Variants in PRELID2 observed in about 807,000 individuals in gnomAD.
PRELID2 encodes PRELI domain-containing protein 2.
In PRELID2, 25 loss-of-function variants were observed where a neutral mutation model predicts 28.4. The observed-to-expected ratio is 0.88, with a 90% confidence interval of 0.64 to 1.23. PRELID2 has a LOEUF of 1.23. Ranked by LOEUF, PRELID2 falls within the 50% of genes most tolerant of loss-of-function variation. PRELID2 has a pLI of 0.00. For missense variants in PRELID2, 201 were observed against 214.4 expected, an observed-to-expected ratio of 0.94 and a Z score of 0.39; for synonymous variants, 76 against 71.6, an observed-to-expected ratio of 1.06 and a Z score of -0.31.
intron 1 of PRELID2, chr5:145,826,247 T>C (rs1755184788): frequency 6.7e-6 from 6 of 893,652 alleles, no homozygotes; most frequent in South Asian, 1.0e-4. Flanking sequence ...AATATAATAG[T>C]GTAAAGCCCG....
chr5:145,819,029 G>A (rs1400049592), intron 3 of PRELID2, among the ~76,000 whole-genome samples: 2 of 152,096 alleles, frequency 1.3e-5, no homozygotes, highest in African/African-American at 4.8e-5. Context: ...TTTTATAAAG[G>A]GCAGTTCCCC....
the PRELID2 span, among the ~76,000 whole-genome samples, chr5:145,268,484 G>T: frequency 1.4e-3 from 219 of 152,044 alleles, 6 homozygotes; most frequent in Non-Finnish European, 4.7e-4. Context: ...CGCACCACAG[G>T]TACCTCCCCA....
At chr5:145,699,819 C>T (rs1755366320) in intron 1 of PRELID2, among the ~76,000 whole-genome samples, 1 of 152,162 alleles carries the variant, frequency 6.6e-6, no homozygotes, top group South Asian at 2.1e-4. Context: ...GGAAAGAAAA[C>T]ATCACCATCA....
downstream of PRELID2, among the ~76,000 whole-genome samples, chr5:145,751,381 C>A (rs1472853210): frequency 6.6e-6 from 1 of 152,182 alleles, no homozygotes; most frequent in Non-Finnish European, 1.5e-5. Flanking sequence ...TTTCAAGAGA[C>A]CCCAGATCCC....
chr5:145,576,944 C>T (rs1753065638), intron 1 of PRELID2, among the ~76,000 whole-genome samples: 1 of 152,026 alleles, frequency 6.6e-6, no homozygotes, highest in Non-Finnish European at 1.5e-5. Flanking sequence ...AAAATTATAT[C>T]CATGCCAGTC....
In PRELID2 at chr5:145,569,246, T is replaced by C. The variant is rs1752996490; in HGVS notation, n.71-95931A>G. Among the ~76,000 whole-genome samples, 4 of 152,202 alleles carry C rather than the reference T, an allele frequency of 2.6e-5. No homozygotes were observed. In the South Asian group the frequency reaches 8.3e-4, roughly 31 times the overall value. ...CAAATGTTCATCTCATTCTTACAGA[T>C]GAATTAATAAAGAAGGAACTTATTA... On this transcript the variant is annotated intron_variant and non_coding_transcript_variant, in intron 1 of 2. Transcript: ENST00000510259.
the PRELID2 span, among the ~76,000 whole-genome samples, chr5:145,235,896 A>G: frequency 6.6e-6 from 1 of 152,198 alleles, no homozygotes; most frequent in Non-Finnish European, 1.5e-5. Context: ...GAAACTAAAC[A>G]GGAGCCAGTG....
At chr5:145,576,280 A>G (rs1291639773) in intron 1 of PRELID2, among the ~76,000 whole-genome samples, 1 of 152,024 alleles carries the variant, frequency 6.6e-6, no homozygotes, top group African/African-American at 2.4e-5. Flanking sequence ...CATTCCCACC[A>G]ACCACTCTAG....
chr5:145,316,439 T>A, the PRELID2 span, among the ~76,000 whole-genome samples: 21 of 152,278 alleles, frequency 1.4e-4, no homozygotes, highest in African/African-American at 5.1e-4. Flanking sequence ...ACTAGATTGT[T>A]AAACATTTAC....
chr5:145,637,271 G>A (rs1157732834), intron 1 of PRELID2, among the ~76,000 whole-genome samples: 1 of 152,170 alleles, frequency 6.6e-6, no homozygotes, highest in Non-Finnish European at 1.5e-5. Flanking sequence ...AAAATCCAAT[G>A]AAGGAGATAC....
At chr5:145,389,819 T>C in the PRELID2 span, among the ~76,000 whole-genome samples, 2 of 152,178 alleles carry the variant, frequency 1.3e-5, no homozygotes, top group African/African-American at 4.8e-5. Flanking sequence ...ATACTTTCAT[T>C]TCTGCCACAG....
intron 1 of PRELID2, among the ~76,000 whole-genome samples, chr5:145,737,239 G>A (rs1016099032): frequency 6.6e-6 from 1 of 151,990 alleles, no homozygotes; most frequent in South Asian, 2.1e-4. Flanking sequence ...GAAGCATAGG[G>A]TGCTAGGCGG....
chr5:145,620,389 C>A (rs1490954224), intron 1 of PRELID2, among the ~76,000 whole-genome samples: 1 of 152,064 alleles, frequency 6.6e-6, no homozygotes, highest in Admixed American at 6.5e-5. Flanking sequence ...CTAATGTAAA[C>A]TTTGGACTTT....
At chr5:145,373,367 T>TACGA in the PRELID2 span, among the ~76,000 whole-genome samples, 54 of 71,962 alleles carry the variant, frequency 7.5e-4, no homozygotes, top group African/African-American at 2.7e-3. Context: ...ATATATGATA[T>TACGA]TATATATTAC....
At chr5:145,389,945 A>G in the PRELID2 span, among the ~76,000 whole-genome samples, 8 of 152,242 alleles carry the variant, frequency 5.3e-5, no homozygotes, top group Admixed American at 3.3e-4. Context: ...AAGAAGTTAT[A>G]TAGTTTATTC....
At chr5:145,360,049 C>A in the PRELID2 span, among the ~76,000 whole-genome samples, 1 of 152,160 alleles carries the variant, frequency 6.6e-6, no homozygotes, top group African/African-American at 2.4e-5. Context: ...AAGGCTTGGG[C>A]AGGTGCCATA....
chr5:145,522,396 GACACAC>G (rs111725998), intron 1 of PRELID2, among the ~76,000 whole-genome samples: 3 of 150,196 alleles, frequency 2.0e-5, no homozygotes, highest in Middle Eastern at 3.5e-3. Flanking sequence ...TAGATACAGA[GACACAC>G]ACACACACAC....
At chr5:145,680,606 G>T (rs1029818542) in intron 1 of PRELID2, among the ~76,000 whole-genome samples, 7 of 152,192 alleles carry the variant, frequency 4.6e-5, no homozygotes, top group African/African-American at 1.4e-4. Flanking sequence ...AGACAGAGAT[G>T]CAAAAACAAT....
At chr5:145,296,419 C>A in the PRELID2 span, among the ~76,000 whole-genome samples, 1 of 145,960 alleles carries the variant, frequency 6.9e-6, no homozygotes, top group Non-Finnish European at 1.5e-5. Context: ...TCAATTCCCA[C>A]CTATGAGTGA....
Sources: gnomAD v4.1 joint callset for allele counts (sites outside exome capture counted in the v4.1 genomes callset) on GRCh38, gnomAD v4.1.1 for gene constraint, MANE v1.5 for transcripts, NCBI Gene and HGNC (gene_info 2026-07-23, HGNC 2026-07-21) for gene names.